Variants in DISC1 observed in about 807,000 individuals in gnomAD.
The protein encoded by DISC1 is disrupted in schizophrenia 1 protein.
DISC1 carries 57 observed loss-of-function variants against 84.5 expected under a neutral mutation model. The ratio of observed to expected loss-of-function variants is 0.67; its 90% CI spans 0.55 to 0.84. The LOEUF (loss-of-function observed/expected upper bound fraction) is 0.84, where lower values mean the gene tolerates loss of function less well. DISC1 is among the 40% of genes least tolerant of loss of function. DISC1 has a pLI of 0.00. For missense variants in DISC1, 1,000 were observed against 1,057.8 expected (o/e 0.95, Z 0.76); for synonymous variants, 411 against 415.2 (o/e 0.99, Z 0.12).
At chr1:231,891,798 C>T (rs2087247882) in intron 9 of DISC1, among the ~76,000 whole-genome samples, 1 of 152,140 alleles carries the variant, frequency 6.6e-6, no homozygotes, top group Non-Finnish European at 1.5e-5. Context: ...CTATTTCTTC[C>T]TGGTAGAAAG....
chr1:231,664,470 T>G (rs143214369), intron 1 of DISC1, among the ~76,000 whole-genome samples: 1 of 152,202 alleles, frequency 6.6e-6, no homozygotes, highest in Admixed American at 6.5e-5. Context: ...GAGATTAAGT[T>G]AAGGATCTTT....
intron 1 of DISC1, among the ~76,000 whole-genome samples, chr1:231,653,962 A>C (rs2060848409): frequency 6.6e-6 from 1 of 152,240 alleles, no homozygotes; most frequent in Non-Finnish European, 1.5e-5. Flanking sequence ...GGCCCAAAGC[A>C]ACAATGGAAT....
At chr1:231,895,766 C>T (rs919054863) in intron 9 of DISC1, among the ~76,000 whole-genome samples, 1 of 151,990 alleles carries the variant, frequency 6.6e-6, no homozygotes, top group African/African-American at 2.4e-5. Context: ...GGAAGTTTTC[C>T]ATCTTCTTAT....
In DISC1 at chr1:231,728,247, T is replaced by A. The variant is rs538251040; in HGVS notation, c.1118-21679T>A. ...TTTAAGATGCTAGCTTAAAGCATTA[T>A]AAAGCCAAGATTTGTTTTTTAAAGT... On this transcript the variant is annotated intron_variant, in intron 3 of 12. Coordinates refer to ENST00000439617, the MANE Select transcript of DISC1 (RefSeq NM_018662.3). Among the ~76,000 whole-genome samples the A allele has an allele frequency of 6.6e-5, 10 of 152,338 alleles. No individual in the cohort carries two copies. The East Asian group carries it at 1.7e-3, about 26-fold the overall frequency.
intron 9 of DISC1, among the ~76,000 whole-genome samples, chr1:231,910,269 G>A (rs1333225406): frequency 1.3e-5 from 2 of 151,914 alleles, no homozygotes; most frequent in Admixed American, 6.6e-5. Flanking sequence ...GTGATGTTAC[G>A]GTGTCAATTT....
intron 1 of DISC1, among the ~76,000 whole-genome samples, chr1:231,629,753 A>C (rs968141467): frequency 2.0e-5 from 3 of 152,218 alleles, no homozygotes; most frequent in Non-Finnish European, 2.9e-5. Flanking sequence ...TTATGACATT[A>C]ATGTAGAACA....
At chr1:231,778,967 A>ATT (rs2077168979) in intron 6 of DISC1, among the ~76,000 whole-genome samples, 1 of 152,094 alleles carries the variant, frequency 6.6e-6, no homozygotes, top group Non-Finnish European at 1.5e-5. Context: ...TAGACATAAC[A>ATT]ACAGAGCAGC....
rs1002024248 is a variant in DISC1, at chr1:231,698,630, C to T, written c.1048-3325C>T. On this transcript the variant is annotated intron_variant, in intron 2 of 12. Transcript: ENST00000439617. The surrounding 1 kb of genome is among the most constrained non-coding windows in gnomAD (Gnocchi z 4.9). ...TCAGGGCCTTATAGAGATCACTGGACGAGGTGGGCATCGTGGGGTGGGCTT... is the reference window on the plus strand; with the variant it reads ...TCAGGGCCTTATAGAGATCACTGGATGAGGTGGGCATCGTGGGGTGGGCTT... 7.2e-5 allele frequency among the ~76,000 whole-genome samples: 11 copies of T among 152,116 alleles called. No homozygotes were observed. Among genetic ancestry groups the T allele is most frequent in the Admixed American group, 5.9e-4 (9 of 15,274 alleles).
chr1:232,002,119 A>G (rs1256341282), intron 10 of DISC1, among the ~76,000 whole-genome samples: 2 of 152,226 alleles, frequency 1.3e-5, no homozygotes, highest in Non-Finnish European at 2.9e-5. Context: ...GAAGCACGTG[A>G]AAAGATAGTC....
rs916679011 is a variant in DISC1 at position 232,040,207 on chromosome 1, G to T, written c.*3376G>T. On this transcript the variant is annotated 3_prime_UTR_variant, in exon 13 of 13. Transcript: ENST00000439617. The stretch of plus-strand genomic sequence containing the variant: ...GGGCTTCACCATGTTGGCTAGGAGG[G>T]TCTCAAACTCCTGACCTCAGGCGAT... 4.6e-5 allele frequency: 7 copies of T among 152,070 alleles called. No individual in the cohort carries two copies. Among genetic ancestry groups the T allele is most frequent in the African/African-American group, 1.7e-4 (7 of 41,376 alleles). The allele number at this position is 152,070 out of a possible 1,614,324, so 9.4% of individuals were successfully genotyped here.
At chr1:232,036,600 C>T in intron 12 of DISC1, 92 bp from the exon 13 acceptor site, 2 of 1,280,556 alleles carry the variant, frequency 1.6e-6, no homozygotes, top group Non-Finnish European at 2.0e-6. Flanking sequence ...CAGTACCCAT[C>T]TGCTTCCAGC....
chr1:231,985,980 A>T (rs147899775), intron 10 of DISC1, among the ~76,000 whole-genome samples: 1 of 152,288 alleles, frequency 6.6e-6, no homozygotes, highest in East Asian at 1.9e-4. Flanking sequence ...TGTCATCAGG[A>T]TGGGACTCAC....
intron 2 of DISC1, among the ~76,000 whole-genome samples, chr1:231,695,638 TGC>T (rs1174355972): frequency 6.7e-6 from 1 of 148,324 alleles, no homozygotes; most frequent in Non-Finnish European, 1.5e-5. Flanking sequence ...TGTGTGTGTG[TGC>T]ATGTTTGTGC....
intron 1 of DISC1, among the ~76,000 whole-genome samples, chr1:231,637,305 T>C (rs1326380881): frequency 1.3e-5 from 2 of 152,372 alleles, no homozygotes; most frequent in East Asian, 3.9e-4. Context: ...TTTACAAGCC[T>C]TTGGGTATAC....
chr1:231,722,257 G>A (rs2069882702), intron 3 of DISC1, among the ~76,000 whole-genome samples: 1 of 152,010 alleles, frequency 6.6e-6, no homozygotes, highest in Non-Finnish European at 1.5e-5. Context: ...CCCAAATCTG[G>A]GCTTCTTTTT....
At position 231,904,716 on chromosome 1, in the gene DISC1, C is replaced by T. The variant is rs55913801; in HGVS notation, c.1982-54112C>T. On this transcript the variant is annotated intron_variant, in intron 9 of 12. Coordinates refer to ENST00000439617, the MANE Select transcript of DISC1 (RefSeq NM_018662.3). ...TTCTTGGCTTCTAAATACTCATTTCCACTAAGAGGAACCAGAGTTCTTTGG... is the reference window on the plus strand; with the variant it reads ...TTCTTGGCTTCTAAATACTCATTTCTACTAAGAGGAACCAGAGTTCTTTGG... Among the ~76,000 whole-genome samples, 733 of 152,036 alleles carry T rather than the reference C, an allele frequency of 4.8e-3. 6 individuals are homozygous for T. Among genetic ancestry groups the T allele is most frequent in the African/African-American group, 0.017 (687 of 41,450 alleles).
chr1:231,879,129 C>T (rs888744701), intron 9 of DISC1, among the ~76,000 whole-genome samples: 1 of 150,986 alleles, frequency 6.6e-6, no homozygotes, highest in African/African-American at 2.4e-5. Context: ...TTATATGATA[C>T]TTACTTGTTC....
intron 3 of DISC1, among the ~76,000 whole-genome samples, chr1:231,710,255 C>G (rs2067643966): frequency 6.6e-6 from 1 of 152,104 alleles, no homozygotes; most frequent in African/African-American, 2.4e-5. Context: ...GGTGGGAACA[C>G]TGTTTTAGCT....
chr1:232,018,465 C>A (rs1038064552), intron 11 of DISC1, among the ~76,000 whole-genome samples: 1 of 152,220 alleles, frequency 6.6e-6, no homozygotes, highest in African/African-American at 2.4e-5. Context: ...CAACTGAATG[C>A]TTTTCTGGGT....
Sources: allele counts gnomAD v4.1 joint callset (sites outside exome capture counted in the v4.1 genomes callset), GRCh38; gene constraint gnomAD v4.1.1; non-coding constraint Gnocchi (gnomAD v3.1); transcripts MANE v1.5; gene names NCBI Gene and HGNC (gene_info 2026-07-23, HGNC 2026-07-21).